Variants in CTNNA3 observed in about 807,000 individuals in gnomAD.
The protein encoded by CTNNA3 is catenin alpha-3.
CTNNA3 carries 76 observed loss-of-function variants against 95.7 expected under a neutral mutation model. That is an observed-to-expected ratio of 0.79 (90% CI 0.66 to 0.96). CTNNA3 has a LOEUF of 0.96. CTNNA3 is among the 40% of genes least tolerant of loss of function. The probability of loss-of-function intolerance (pLI) is 0.00; values close to 1 mark genes in which losing one functional copy is unlikely to be tolerated. For synonymous variants in CTNNA3, 431 were observed against 374.4 expected (o/e 1.15, Z -1.74); for missense variants, 1,191 against 1,089.8 (o/e 1.09, Z -1.31).
intron 3 of CTNNA3, among the ~76,000 whole-genome samples, chr10:67,585,946 G>A (rs1842610604): frequency 2.0e-5 from 3 of 151,838 alleles, no homozygotes; most frequent in Non-Finnish European, 2.9e-5. Flanking sequence ...CTACTTTTAT[G>A]ATGTAGGTAT....
intron 12 of CTNNA3, among the ~76,000 whole-genome samples, chr10:66,288,329 G>T (rs1207558857): frequency 6.6e-6 from 1 of 151,314 alleles, no homozygotes; most frequent in Non-Finnish European, 1.5e-5. Flanking sequence ...GTACATTTTT[G>T]ACTTCTGTAA....
At chr10:66,126,509 C>A (rs937817835) in intron 13 of CTNNA3, among the ~76,000 whole-genome samples, 15 of 152,166 alleles carry the variant, frequency 9.9e-5, no homozygotes, top group African/African-American at 3.6e-4. Flanking sequence ...ACAAGCATGG[C>A]TGACACTCAG....
chr10:67,137,414 C>T (rs1334068171), intron 7 of CTNNA3, among the ~76,000 whole-genome samples: 1 of 152,030 alleles, frequency 6.6e-6, no homozygotes, highest in African/African-American at 2.4e-5. Context: ...AACTATTAAC[C>T]TTTACACTTG....
intron 9 of CTNNA3, among the ~76,000 whole-genome samples, chr10:66,622,719 G>T (rs12259838): frequency 4.5e-4 from 68 of 151,912 alleles, no homozygotes; most frequent in Non-Finnish European, 6.6e-4. Context: ...ATACTTTAAC[G>T]CATTGCAGTT....
chr10:67,155,529 A>ATGTGTG (rs142928094), intron 7 of CTNNA3, among the ~76,000 whole-genome samples: 15 of 24,758 alleles, frequency 6.1e-4, no homozygotes, highest in East Asian at 3.0e-3. Context: ...GTATTAATAT[A>ATGTGTG]TGTGTGTGTG....
chr10:66,017,454 T>C (rs1213647368), intron 15 of CTNNA3, among the ~76,000 whole-genome samples: 1 of 152,104 alleles, frequency 6.6e-6, no homozygotes, highest in Non-Finnish European at 1.5e-5. Flanking sequence ...ACTAAAGCTC[T>C]CCATGAATTC....
intron 5 of CTNNA3, among the ~76,000 whole-genome samples, chr10:67,434,736 T>C (rs1846239796): frequency 6.6e-6 from 1 of 151,920 alleles, no homozygotes; most frequent in Non-Finnish European, 1.5e-5. Context: ...CTATAAGGAA[T>C]CCTAAAAAGC....
intron 7 of CTNNA3, among the ~76,000 whole-genome samples, chr10:66,996,962 T>G (rs910056799): frequency 3.9e-5 from 6 of 152,118 alleles, no homozygotes; most frequent in African/African-American, 1.4e-4. Flanking sequence ...GGTTTAATAT[T>G]TTATCTTGGA....
intron 9 of CTNNA3, among the ~76,000 whole-genome samples, chr10:66,623,257 T>TA (rs980976054): frequency 4.6e-5 from 7 of 151,968 alleles, no homozygotes; most frequent in African/African-American, 1.7e-4. Context: ...TTGTTTAAAG[T>TA]AAAAAAATAA....
chr10:66,074,412 C>A (rs1012211294), intron 14 of CTNNA3, among the ~76,000 whole-genome samples: 1 of 151,776 alleles, frequency 6.6e-6, no homozygotes, highest in African/African-American at 2.4e-5. Flanking sequence ...ATCATCATAA[C>A]CTTTGTTTCT....
At chr10:66,333,267 G>C (rs983724138) in intron 12 of CTNNA3, among the ~76,000 whole-genome samples, 15 of 151,756 alleles carry the variant, frequency 9.9e-5, no homozygotes, top group Non-Finnish European at 2.1e-4. Flanking sequence ...TTGCCTTCTG[G>C]TAGTTTTTGA....
chr10:67,287,927 T>A (rs1047716272), intron 5 of CTNNA3, among the ~76,000 whole-genome samples: 1 of 152,212 alleles, frequency 6.6e-6, no homozygotes, highest in Admixed American at 6.5e-5. Flanking sequence ...ATCTTTGCCA[T>A]CAAATATGAG....
At position 67,571,136 on chromosome 10, in the gene CTNNA3, A is replaced by G. The variant is rs369014754; in HGVS notation, c.293-31467T>C. Among the ~76,000 whole-genome samples the G allele has an allele frequency of 1.5e-4, 23 of 152,218 alleles. No individual in the cohort carries two copies. In the East Asian group the frequency reaches 2.3e-3, roughly 15 times the overall value. The stretch of plus-strand genomic sequence containing the variant: ...ATTAATGATGATAATAATAACTACA[A>G]TAATACTGATTTGTATTTATGTGTC... On this transcript the variant is annotated intron_variant, in intron 3 of 17. Coordinates refer to ENST00000433211, the MANE Select transcript of CTNNA3 (RefSeq NM_013266.4).
chr10:66,277,358 A>G (rs995468875), intron 13 of CTNNA3, among the ~76,000 whole-genome samples: 2 of 152,122 alleles, frequency 1.3e-5, no homozygotes, highest in Admixed American at 6.6e-5. Context: ...AGCATAGCCT[A>G]TCCCTCCCTG....
intron 7 of CTNNA3, among the ~76,000 whole-genome samples, chr10:67,057,145 A>G (rs1855483758): frequency 6.6e-6 from 1 of 152,158 alleles, no homozygotes; most frequent in Admixed American, 6.6e-5. Context: ...TTTCACTTTT[A>G]TTGAGATATA....
chr10:66,776,105 T>TA (rs1398083867), intron 7 of CTNNA3, among the ~76,000 whole-genome samples: 2 of 152,230 alleles, frequency 1.3e-5, no homozygotes, highest in Non-Finnish European at 2.9e-5. Flanking sequence ...AACACCTTTT[T>TA]ATTCTTTGAG....
intron 4 of CTNNA3, among the ~76,000 whole-genome samples, chr10:67,534,446 A>C (rs1774166335): frequency 6.6e-6 from 1 of 152,180 alleles, no homozygotes; most frequent in South Asian, 2.1e-4. Context: ...TCCAATGAAC[A>C]TAATTTAGAA....
intron 15 of CTNNA3, among the ~76,000 whole-genome samples, chr10:66,025,699 A>C (rs2079319258): frequency 6.6e-6 from 1 of 152,170 alleles, no homozygotes; most frequent in Non-Finnish European, 1.5e-5. Context: ...AAAATGGAGT[A>C]CATTTTCTGA....
At chr10:66,143,943 T>G (rs1168273396) in intron 13 of CTNNA3, among the ~76,000 whole-genome samples, 5 of 152,242 alleles carry the variant, frequency 3.3e-5, no homozygotes, top group Non-Finnish European at 5.9e-5. Context: ...GCTTTATTAA[T>G]AACTCAATTA....
Sources: gnomAD v4.1 joint callset for allele counts (sites outside exome capture counted in the v4.1 genomes callset) on GRCh38, gnomAD v4.1.1 for gene constraint, MANE v1.5 for transcripts, NCBI Gene and HGNC (gene_info 2026-07-23, HGNC 2026-07-21) for gene names.